The following SLX4IP variants were observed in gnomAD, a reference collection of about 807,000 sequenced individuals.
SLX4IP encodes the protein protein SLX4IP.
SLX4IP carries 34 observed loss-of-function variants against 32.9 expected under a neutral mutation model. The ratio of observed to expected loss-of-function variants is 1.03; its 90% CI spans 0.79 to 1.38. SLX4IP has a LOEUF of 1.38. SLX4IP is among the 40% of genes most tolerant of loss of function. SLX4IP has a pLI of 0.00. For missense variants in SLX4IP, 444 were observed against 479.0 expected (o/e 0.93, Z 0.68); for synonymous variants, 172 against 171.7 (o/e 1.00, Z -0.01).
chr20:10,502,250 G>A (rs947386296), intron 2 of SLX4IP, among the ~76,000 whole-genome samples: 30 of 152,112 alleles, frequency 2.0e-4, no homozygotes, highest in Admixed American at 1.2e-3. Flanking sequence ...GCAGATGCTC[G>A]GAGGAGTTGG....
At chr20:10,584,257 T>C (rs2066619323) in intron 4 of SLX4IP, among the ~76,000 whole-genome samples, 1 of 152,206 alleles carries the variant, frequency 6.6e-6, no homozygotes, top group Non-Finnish European at 1.5e-5. Context: ...TGAGCTAATA[T>C]GCATTGCCTT....
At chr20:10,550,174 A>C (rs2066203805) in intron 2 of SLX4IP, among the ~76,000 whole-genome samples, 1 of 152,160 alleles carries the variant, frequency 6.6e-6, no homozygotes, top group South Asian at 2.1e-4. Flanking sequence ...CTATGGTGGG[A>C]ATTTCGTGCA....
intron 2 of SLX4IP, among the ~76,000 whole-genome samples, chr20:10,540,145 T>TCCTTCCTTCCTTCCTTCCTTCCTTCTC (rs2066090264): frequency 7.0e-6 from 1 of 142,420 alleles, no homozygotes; most frequent in African/African-American, 2.6e-5. Context: ...CCTTCCTTCT[T>TCCTTCCTTCCTTCCTTCCTTCCTTCTC]TCCTTCCTTC....
intron 2 of SLX4IP, among the ~76,000 whole-genome samples, chr20:10,547,330 C>T (rs560786170): frequency 3.9e-5 from 6 of 152,254 alleles, no homozygotes; most frequent in Middle Eastern, 3.4e-3. Context: ...AGTAATAAAT[C>T]TGTTGTGGAA....
In SLX4IP at chr20:10,624,482, C is replaced by T. The variant is rs571652512; in HGVS notation, c.*1103C>T. ...CAATGACTTATTTTGGATGGACACC[C>T]GCTAAAAGTTTCCAATAACCGAATT... On this transcript the variant is annotated 3_prime_UTR_variant, in exon 8 of 8. Transcript: ENST00000334534. 18 of 152,134 alleles carry T rather than the reference C, an allele frequency of 1.2e-4. No individual in the cohort carries two copies. The highest frequency in any genetic ancestry group is 3.9e-4 in the Admixed American group (6 of 15,290). The allele number at this position is 152,134 out of a possible 1,614,324, so 9.4% of individuals were successfully genotyped here.
intron 6 of SLX4IP, among the ~76,000 whole-genome samples, chr20:10,619,171 G>A (rs1319790812): frequency 2.0e-5 from 3 of 150,694 alleles, no homozygotes; most frequent in Admixed American, 1.3e-4. Context: ...GGGAGACCCC[G>A]CCTTGCTTTT....
chr20:10,509,878 T>C (rs1281500407), intron 2 of SLX4IP, among the ~76,000 whole-genome samples: 2 of 152,236 alleles, frequency 1.3e-5, no homozygotes, highest in Non-Finnish European at 2.9e-5. Flanking sequence ...AAAATTTCTT[T>C]AGAGGCAGGG....
chr20:10,549,720 C>T lies in SLX4IP; in HGVS notation c.28-6511C>T, dbSNP rs550787056. Among the ~76,000 whole-genome samples, 14 of 152,268 alleles carry T rather than the reference C, an allele frequency of 9.2e-5. No individual in the cohort carries two copies. The East Asian group carries it at 9.7e-4, about 10-fold the overall frequency. ...TGTGTAATCTTGGACTAGACCTTCCCGAATTCAGCTTCCTTATCTACGAAA... is the reference window on the plus strand; with the variant it reads ...TGTGTAATCTTGGACTAGACCTTCCTGAATTCAGCTTCCTTATCTACGAAA... On this transcript the variant is annotated intron_variant, in intron 2 of 7. Transcript: ENST00000334534.
At chr20:10,473,361 G>T (rs1430927245) in intron 2 of SLX4IP, among the ~76,000 whole-genome samples, 1 of 152,156 alleles carries the variant, frequency 6.6e-6, no homozygotes, top group Non-Finnish European at 1.5e-5. Context: ...AGCAGCATTA[G>T]TATCTCCCAC....
rs559358616 is a variant in SLX4IP, at chr20:10,513,694, C to T, written c.28-42537C>T. Among the ~76,000 whole-genome samples the T allele has an allele frequency of 2.6e-5, 4 of 152,210 alleles. No individual in the cohort carries two copies. In the South Asian group the frequency reaches 8.3e-4, roughly 31 times the overall value. On this transcript the variant is annotated intron_variant, in intron 2 of 7. Coordinates refer to ENST00000334534, the MANE Select transcript of SLX4IP (RefSeq NM_001009608.3). ...CTGGCATTCCCAGGGTTTTGTCTGG[C>T]TGGGCCCAAGGGCTAGAAGGACTGG...
At chr20:10,552,623 G>GT (rs1260014135) in intron 2 of SLX4IP, among the ~76,000 whole-genome samples, 1 of 152,028 alleles carries the variant, frequency 6.6e-6, no homozygotes, top group Non-Finnish European at 1.5e-5. Flanking sequence ...GCTCACCACA[G>GT]TAAGATTTGA....
chr20:10,572,768 T>G (rs189015602), intron 4 of SLX4IP, among the ~76,000 whole-genome samples: 9 of 152,316 alleles, frequency 5.9e-5, no homozygotes, highest in African/African-American at 1.9e-4. Flanking sequence ...TCTTAGCTTA[T>G]ATCTGTAGCC....
chr20:10,572,203 T>A (rs2066474796), intron 4 of SLX4IP, among the ~76,000 whole-genome samples: 2 of 152,200 alleles, frequency 1.3e-5, no homozygotes, highest in Admixed American at 1.3e-4. Flanking sequence ...TTCAAGTAAC[T>A]TGCCCAAAGA....
chr20:10,590,178 T>C (rs2066690570), intron 4 of SLX4IP, among the ~76,000 whole-genome samples: 1 of 152,126 alleles, frequency 6.6e-6, no homozygotes, highest in Admixed American at 6.5e-5. Flanking sequence ...ACATGGTATA[T>C]TAATCTTTTT....
chr20:10,440,193 G>T (rs2065149907), intron 1 of SLX4IP, among the ~76,000 whole-genome samples: 1 of 149,126 alleles, frequency 6.7e-6, no homozygotes, highest in South Asian at 2.1e-4. Flanking sequence ...GGTGGCTCAC[G>T]CCTGTTATTC....
chr20:10,616,078 A>G (rs1214879863), intron 6 of SLX4IP, among the ~76,000 whole-genome samples: 1 of 152,134 alleles, frequency 6.6e-6, no homozygotes, highest in African/African-American at 2.4e-5. Context: ...TAAATTTACT[A>G]TATTTTCTGT....
chr20:10,555,155 G>C (rs550565210), intron 2 of SLX4IP, among the ~76,000 whole-genome samples: 3 of 150,408 alleles, frequency 2.0e-5, no homozygotes, highest in Admixed American at 1.3e-4. Flanking sequence ...ACCATTTGTT[G>C]AAACTACTTT....
At chr20:10,579,802 A>C (rs1197396607) in intron 4 of SLX4IP, among the ~76,000 whole-genome samples, 1 of 152,132 alleles carries the variant, frequency 6.6e-6, no homozygotes, top group Non-Finnish European at 1.5e-5. Context: ...AGTAAATTTG[A>C]AATTGTCTTC....
At chr20:10,483,154 C>T in intron 2 of SLX4IP, among the ~76,000 whole-genome samples, 1 of 127,292 alleles carries the variant, frequency 7.9e-6, no homozygotes, top group South Asian at 2.4e-4. Flanking sequence ...CAGTCTCGCT[C>T]TGTTGCCCAG....
Sources: gnomAD v4.1 joint callset for allele counts (sites outside exome capture counted in the v4.1 genomes callset) on GRCh38, gnomAD v4.1.1 for gene constraint, MANE v1.5 for transcripts, NCBI Gene and HGNC (gene_info 2026-07-23, HGNC 2026-07-21) for gene names.